The following XPO4 variants were observed in gnomAD, a reference collection of about 807,000 sequenced individuals.
The protein encoded by XPO4 is exportin 4, also known as exportin-4.
XPO4 carries 39 observed loss-of-function variants against 143.0 expected under a neutral mutation model. The ratio of observed to expected loss-of-function variants is 0.27; its 90% CI spans 0.21 to 0.36. XPO4 has a LOEUF of 0.36. Ranked by LOEUF, XPO4 falls within the 10% of genes least tolerant of loss-of-function variation. XPO4 has a pLI of 1.00. For missense variants in XPO4, 907 were observed against 1,348.0 expected (o/e 0.67, Z 5.12); for synonymous variants, 439 against 474.0 (o/e 0.93, Z 0.96).
chr13:20,867,740 A>G (rs571541965), intron 2 of XPO4, among the ~76,000 whole-genome samples: 9 of 152,228 alleles, frequency 5.9e-5, no homozygotes, highest in African/African-American at 2.2e-4. Flanking sequence ...AAGCCTTACT[A>G]AAAGCACAAG....
At chr13:20,794,443 T>C (rs968430989) in intron 18 of XPO4, among the ~76,000 whole-genome samples, 1 of 152,228 alleles carries the variant, frequency 6.6e-6, no homozygotes, top group Non-Finnish European at 1.5e-5. Context: ...ATACATGTTT[T>C]AGCTCTGGGT....
intron 3 of XPO4, chr13:20,857,857 A>C (rs940561794): frequency 1.8e-5 from 18 of 985,342 alleles, no homozygotes; most frequent in Non-Finnish European, 2.2e-5. Flanking sequence ...TGCCTCTTTC[A>C]TAAAGGACAT....
intron 4 of XPO4, chr13:20,851,741 A>T (rs2060092095): frequency 1.0e-5 from 10 of 977,658 alleles, no homozygotes; most frequent in Non-Finnish European, 1.2e-5. Flanking sequence ...GAAAGAAAGA[A>T]AGAAAGAAAG....
Position 20,786,998 on chromosome 13 carries a change from G to A in XPO4, c.3225C>T (p.Gly1075=), listed in dbSNP as rs780870963. The A allele has an allele frequency of 1.7e-5, 26 of 1,559,052 alleles. No individual in the cohort carries two copies. In the African/African-American group the frequency reaches 2.5e-4, roughly 15 times the overall value. The change falls in exon 22 of 23, where the codon GGC becomes GGT. Residue 1075 remains glycine (G), a synonymous_variant. Coordinates refer to ENST00000255305, the MANE Select transcript of XPO4 (RefSeq NM_022459.5). ...AACACACCAACGTGTAGAAAGCTTC[G>A]CCAGCCGCAGTGGTCATCTCTGTGT... is the stretch of plus-strand genomic sequence containing the variant. ...KHNTEMTTAA[G]EAFYTLVCLH...
intron 18 of XPO4, among the ~76,000 whole-genome samples, chr13:20,794,108 G>A (rs1012360727): frequency 6.6e-6 from 1 of 152,080 alleles, no homozygotes; most frequent in Non-Finnish European, 1.5e-5. Flanking sequence ...CTAGAAATGT[G>A]GACTGTCCCT....
intron 4 of XPO4, chr13:20,848,516 T>C (rs1215513251): frequency 3.0e-6 from 3 of 985,430 alleles, no homozygotes; most frequent in Non-Finnish European, 3.6e-6. Context: ...GAAGGTAAAG[T>C]AGCAGCTGTA....
intron 3 of XPO4, among the ~76,000 whole-genome samples, chr13:20,858,494 G>A (rs954914405): frequency 2.0e-5 from 3 of 152,042 alleles, no homozygotes; most frequent in Non-Finnish European, 4.4e-5. Context: ...AGCCTCTACT[G>A]GAAAAAGGGT....
chr13:20,876,874 C>T (rs1438860653), intron 1 of XPO4, among the ~76,000 whole-genome samples: 4 of 152,138 alleles, frequency 2.6e-5, no homozygotes, highest in African/African-American at 9.7e-5. Context: ...AACAAAACTT[C>T]CACATCGTGT....
intron 4 of XPO4, among the ~76,000 whole-genome samples, chr13:20,844,623 G>A (rs1243722638): frequency 6.6e-6 from 1 of 152,198 alleles, no homozygotes; most frequent in Non-Finnish European, 1.5e-5. Flanking sequence ...TACTATTTAT[G>A]CAAGCTTATC....
intron 1 of XPO4, among the ~76,000 whole-genome samples, chr13:20,883,770 T>C (rs547057837): frequency 6.6e-6 from 1 of 152,258 alleles, no homozygotes; most frequent in East Asian, 1.9e-4. Flanking sequence ...GTATTGGGTT[T>C]TTTTGTTTGT....
At chr13:20,840,622 T>C (rs905542158) in intron 6 of XPO4, among the ~76,000 whole-genome samples, 1 of 152,234 alleles carries the variant, frequency 6.6e-6, no homozygotes, top group Non-Finnish European at 1.5e-5. Context: ...TTTTCCTTAC[T>C]GATTGAATGG....
chr13:20,893,996 A>C (rs1359519964), intron 1 of XPO4, among the ~76,000 whole-genome samples: 1 of 152,096 alleles, frequency 6.6e-6, no homozygotes, highest in Non-Finnish European at 1.5e-5. Flanking sequence ...GGCATGCGCC[A>C]CCACACCAGC....
rs1038515751 is a variant in XPO4, at chr13:20,780,683, C to T, written c.*3039G>A. The T allele has an allele frequency of 1.3e-5, 2 of 152,094 alleles. No individual in the cohort carries two copies. The highest frequency in any genetic ancestry group is 2.9e-5 in the Non-Finnish European group (2 of 68,030). 9.4% of individuals were successfully genotyped at this position (152,094 alleles called of 1,614,324 possible). A position where few individuals can be genotyped will look rare whatever the true frequency, so the allele number is the denominator to read the frequency against. On this transcript the variant is annotated 3_prime_UTR_variant, in exon 23 of 23. Coordinates refer to ENST00000255305, the MANE Select transcript of XPO4 (RefSeq NM_022459.5). ...TTGAAAAAAACCTGCAGTTTGTTTA[C>T]ATTAAAAGTCATACTTTACACCAGA...
chr13:20,867,581 C>T (rs2060255350), intron 2 of XPO4, among the ~76,000 whole-genome samples: 1 of 152,052 alleles, frequency 6.6e-6, no homozygotes, highest in African/African-American at 2.4e-5. Flanking sequence ...ACCAGTGGCA[C>T]CTAGATGTCA....
At chr13:20,891,424 A>T (rs2060515272) in intron 1 of XPO4, among the ~76,000 whole-genome samples, 2 of 152,372 alleles carry the variant, frequency 1.3e-5, no homozygotes, top group South Asian at 4.1e-4. Flanking sequence ...ACATTAAAGT[A>T]CAAAATAGCA....
At chr13:20,885,170 G>A (rs150182985) in intron 1 of XPO4, among the ~76,000 whole-genome samples, 1,542 of 152,204 alleles carry the variant, frequency 0.01, 25 homozygotes, top group African/African-American at 0.034. Flanking sequence ...GGCTGGTCTC[G>A]AACTCCCAAC....
chr13:20,854,710 G>A (rs904016011), intron 4 of XPO4, among the ~76,000 whole-genome samples: 5 of 152,026 alleles, frequency 3.3e-5, no homozygotes, highest in African/African-American at 9.7e-5. Context: ...AATAGCAACC[G>A]CAACTCCTCC....
intron 3 of XPO4, among the ~76,000 whole-genome samples, 198 bp downstream of exon 3, chr13:20,862,519 G>A (rs529855148): frequency 1.3e-4 from 19 of 151,918 alleles, no homozygotes; most frequent in African/African-American, 3.6e-4. Flanking sequence ...GTAGAGATGG[G>A]GTCTCACTAT....
At chr13:20,884,355 C>G (rs2060441553) in intron 1 of XPO4, among the ~76,000 whole-genome samples, 2 of 152,090 alleles carry the variant, frequency 1.3e-5, no homozygotes, top group South Asian at 4.2e-4. Context: ...CCAGCCTGGG[C>G]AAGAGGGTGA....
Sources: allele counts gnomAD v4.1 joint callset (sites outside exome capture counted in the v4.1 genomes callset), GRCh38; gene constraint gnomAD v4.1.1; transcripts MANE v1.5; gene names NCBI Gene and HGNC (gene_info 2026-07-23, HGNC 2026-07-21).